The following CDH23 variants were observed in gnomAD, a reference collection of about 807,000 sequenced individuals.
CDH23 encodes the protein cadherin related 23.
A neutral mutation model predicts 317.1 loss-of-function variants in CDH23; 189 were observed. That is an observed-to-expected ratio of 0.60 (90% confidence interval 0.53 to 0.67). CDH23 has a LOEUF of 0.67. CDH23 is among the 30% of genes least tolerant of loss of function. The probability of loss-of-function intolerance (pLI) is 0.00; values close to 1 mark genes in which losing one functional copy is unlikely to be tolerated. For synonymous variants in CDH23, 1,839 were observed against 1,876.8 expected, an observed-to-expected ratio of 0.98 and a Z score of 0.52; for missense variants, 4,401 against 4,592.4, an observed-to-expected ratio of 0.96 and a Z score of 1.20.
intron 31 of CDH23, 112 bp downstream of exon 31, chr10:71,730,716 G>A (rs1317846057): frequency 6.8e-7 from 1 of 1,475,590 alleles, no homozygotes; most frequent in African/African-American, 1.4e-5. Flanking sequence ...TCCCCATTTA[G>A]CCATGTCTAG....
intron 38 of CDH23, among the ~76,000 whole-genome samples, chr10:71,768,776 G>A (rs916990118): frequency 1.3e-5 from 2 of 152,178 alleles, no homozygotes; most frequent in Non-Finnish European, 2.9e-5. Context: ...CACTGTGCTC[G>A]GCCTCATTCT....
intron 3 of CDH23, among the ~76,000 whole-genome samples, chr10:71,487,737 C>T (rs550469461): frequency 6.6e-6 from 1 of 152,276 alleles, no homozygotes; most frequent in Non-Finnish European, 1.5e-5. Context: ...TTTCCACCCC[C>T]TGGTTGTAAG....
chr10:71,449,963 C>A (rs1850353524), intron 3 of CDH23, among the ~76,000 whole-genome samples: 1 of 152,360 alleles, frequency 6.6e-6, no homozygotes, highest in South Asian at 2.1e-4. Flanking sequence ...AGACAGAAGC[C>A]AAATGAAGTC....
Position 71,677,465 on chromosome 10 carries a change from G to C in CDH23, c.1524G>C (p.Leu508=), listed in dbSNP as rs750398064. The change falls in exon 16 of 70, where the codon CTG becomes CTC. Residue 508 remains leucine (L), a synonymous_variant. Coordinates refer to ENST00000224721, the MANE Select transcript of CDH23 (RefSeq NM_022124.6). ...FFSDDPDRFS[L]DKDTGLIMLI... ...TCTCGGCCTGGCACAGGTTCTCGCT[G>C]GACAAGGACACGGGACTCATCATGC... The C allele has an allele frequency of 3.8e-5, 61 of 1,606,536 alleles. No individual in the cohort carries two copies. The highest frequency in any genetic ancestry group is 5.0e-5 in the Non-Finnish European group (59 of 1,176,050).
intron 43 of CDH23, 63 bp from the exon 44 acceptor site, chr10:71,785,568 T>G (rs1841080552): frequency 9.0e-7 from 1 of 1,109,644 alleles, no homozygotes; most frequent in Admixed American, 2.0e-5. Flanking sequence ...AGTTGGCATC[T>G]GTGGGCCAAA....
At chr10:71,786,142 C>T (rs1841099487) in intron 44 of CDH23, among the ~76,000 whole-genome samples, 1 of 152,246 alleles carries the variant, frequency 6.6e-6, no homozygotes, top group Admixed American at 6.5e-5. Context: ...CACCCACAAG[C>T]ATGCTCTGAG....
At chr10:71,443,393 G>A (rs1343006074) in intron 2 of CDH23, among the ~76,000 whole-genome samples, 4 of 152,304 alleles carry the variant, frequency 2.6e-5, no homozygotes, top group East Asian at 1.9e-4. Flanking sequence ...CCTCCATGCC[G>A]CCACCCAGCC....
At chr10:71,795,691 CCT>C (rs1461437082) in intron 48 of CDH23, 2 of 520,684 alleles carry the variant, frequency 3.8e-6, no homozygotes, top group Non-Finnish European at 4.9e-6. Flanking sequence ...CTCCCCACTC[CCT>C]GTTTCCACCC....
At chr10:71,439,778 C>A in intron 1 of CDH23, 49 bp from the exon 2 acceptor site, 1 of 1,425,800 alleles carries the variant, frequency 7.0e-7, no homozygotes, top group Non-Finnish European at 9.7e-7. Flanking sequence ...AGCAGACCCT[C>A]TGCCACCCAG....
intron 16 of CDH23, 97 bp downstream of exon 16, chr10:71,677,790 AGGTCTCACTCTTTCACCCAGGCT>A (rs1864438566): frequency 9.8e-7 from 1 of 1,024,134 alleles, no homozygotes; most frequent in African/African-American, 1.6e-5. Flanking sequence ...TTTATGAGAC[AGGTCTCACTCTTTCACCCAGGCT>A]GGAGTGCAGT....
chr10:71,402,899 G>A (rs543694764), intron 1 of CDH23, among the ~76,000 whole-genome samples: 13 of 152,250 alleles, frequency 8.5e-5, no homozygotes, highest in African/African-American at 3.1e-4. Context: ...GGTGGATCAC[G>A]AGGTCAGCAG....
At chr10:71,512,842 T>C (rs1854071858) in intron 6 of CDH23, among the ~76,000 whole-genome samples, 1 of 152,222 alleles carries the variant, frequency 6.6e-6, no homozygotes, top group African/African-American at 2.4e-5. Context: ...ATTTATTGAA[T>C]GTCTGCTGTG....
At chr10:71,653,863 A>G (rs1187985616) in intron 14 of CDH23, among the ~76,000 whole-genome samples, 1 of 152,186 alleles carries the variant, frequency 6.6e-6, no homozygotes, top group African/African-American at 2.4e-5. Context: ...CACTTTGTGT[A>G]TTAGAAGGCA....
intron 11 of CDH23, among the ~76,000 whole-genome samples, chr10:71,639,775 A>G (rs1862450568): frequency 1.3e-5 from 2 of 152,176 alleles, no homozygotes; most frequent in African/African-American, 4.8e-5. Flanking sequence ...GTTGTCATAA[A>G]AGGCTCAGCA....
Position 71,773,600 on chromosome 10 carries a change from G to A in CDH23, c.4846-4080G>A, listed in dbSNP as rs750875809. 6.3e-3 allele frequency: 3,558 copies of A among 563,076 alleles called. 21 individuals carry two copies. Among genetic ancestry groups the A allele is most frequent in the Non-Finnish European group, 8.2e-3 (2,869 of 351,430 alleles). 34.9% of individuals were successfully genotyped at this position (563,076 alleles called of 1,614,324 possible). ...GCCCCCTTCGCGCAGCGCCCCCGGG[G>A]GGCCGTGTGGGGGAACTGCCTCTCC... On this transcript the variant is annotated intron_variant, in intron 38 of 69. Transcript: ENST00000224721.
At chr10:71,489,594 G>GGT (rs34392048) in intron 3 of CDH23, among the ~76,000 whole-genome samples, 47,909 of 139,572 alleles carry the variant, frequency 0.34, 8,178 homozygotes, top group Admixed American at 0.44. Flanking sequence ...AGTGCCTCGG[G>GGT]GTGTGTGTGT....
intron 34 of CDH23, 110 bp downstream of exon 34, chr10:71,734,768 G>A: frequency 1.5e-6 from 1 of 659,062 alleles, no homozygotes; most frequent in Non-Finnish European, 2.6e-6. Flanking sequence ...AAGGCACGTG[G>A]ACAGGCCTGC....
At chr10:71,435,036 A>G (rs931282606) in intron 1 of CDH23, among the ~76,000 whole-genome samples, 3 of 152,122 alleles carry the variant, frequency 2.0e-5, no homozygotes, top group Non-Finnish European at 4.4e-5. Flanking sequence ...GAGACTTCCT[A>G]TCAGGCGCCT....
intron 14 of CDH23, among the ~76,000 whole-genome samples, chr10:71,672,973 T>A (rs1221700836): frequency 2.0e-5 from 3 of 152,092 alleles, no homozygotes; most frequent in Admixed American, 6.5e-5. Context: ...TCTCAGCTGC[T>A]CTCCTCCACC....
Sources: gnomAD v4.1 joint callset for allele counts (sites outside exome capture counted in the v4.1 genomes callset) on GRCh38, gnomAD v4.1.1 for gene constraint, MANE v1.5 for transcripts, NCBI Gene and HGNC (gene_info 2026-07-23, HGNC 2026-07-21) for gene names.